The following GAS7 variants were observed in gnomAD, a reference collection of about 807,000 sequenced individuals.
GAS7 encodes growth arrest-specific protein 7.
In GAS7, 28 loss-of-function variants were observed where a neutral mutation model predicts 71.1. That is an observed-to-expected ratio of 0.39 (90% CI 0.29 to 0.54). The LOEUF is 0.54. Among genes scored for constraint, GAS7 ranks in the 20% least tolerant of loss-of-function variants. The pLI is 0.62. For synonymous variants in GAS7, 258 were observed against 245.8 expected, an observed-to-expected ratio of 1.05 and a Z score of -0.46; for missense variants, 436 against 627.8, an observed-to-expected ratio of 0.69 and a Z score of 3.27.
intron 1 of GAS7, among the ~76,000 whole-genome samples, chr17:10,127,201 T>C (rs551842136): frequency 3.3e-5 from 5 of 152,330 alleles, no homozygotes; most frequent in African/African-American, 1.2e-4. Flanking sequence ...TCCACGGCTC[T>C]GGACAGTGAG....
At chr17:9,976,426 G>A (rs886523037) in intron 3 of GAS7, among the ~76,000 whole-genome samples, 1 of 152,244 alleles carries the variant, frequency 6.6e-6, no homozygotes, top group Non-Finnish European at 1.5e-5. Context: ...AGAAGCGAGG[G>A]TCTTCCTTTG....
Position 10,034,516 on chromosome 17 carries a change from C to T in GAS7, c.184-14619G>A, listed in dbSNP as rs2072700492. ...TAGACACGGGGTTTCACCACGTTGA[C>T]CAGGCTGGCCTTGAACTCCTGACCT... On this transcript the variant is annotated intron_variant, in intron 1 of 13. Transcript: ENST00000432992. This position sits in a 1 kb window ranked among gnomAD's most constrained non-coding sequence, Gnocchi z 4.4. 6.6e-6 allele frequency among the ~76,000 whole-genome samples: 1 copy of T among 152,148 alleles called. No individual in the cohort carries two copies.
intron 3 of GAS7, among the ~76,000 whole-genome samples, chr17:9,973,549 G>A (rs2070060195): frequency 6.6e-6 from 1 of 152,126 alleles, no homozygotes; most frequent in South Asian, 2.1e-4. Flanking sequence ...CCACCGTGCT[G>A]TACTTATAGT....
intron 1 of GAS7, chr17:10,059,706 G>A: frequency 2.0e-6 from 2 of 985,372 alleles, no homozygotes; most frequent in Non-Finnish European, 2.4e-6. Context: ...GCCTTGTGGT[G>A]TGTCCTTATG....
Position 10,193,373 on chromosome 17 carries a change from C to G in GAS7, c.183+4835G>C, listed in dbSNP as rs1391215741. Among the ~76,000 whole-genome samples, 4 of 152,082 alleles carry G rather than the reference C, an allele frequency of 2.6e-5. No homozygotes were observed. In the East Asian group the frequency reaches 7.7e-4, roughly 29 times the overall value. ...CTCTCATCAGTCTGGCCCAGCACTA[C>G]CTCCTCACTAATGGATCATCTGTCC... On this transcript the variant is annotated intron_variant, in intron 1 of 13. Transcript: ENST00000432992.
chr17:9,951,429 G>A lies in GAS7; in HGVS notation c.526-4446C>T, dbSNP rs534793790. 3.9e-5 allele frequency among the ~76,000 whole-genome samples: 6 copies of A among 152,110 alleles called. No individual in the cohort carries two copies. The East Asian group carries it at 1.2e-3, about 29-fold the overall frequency. ...CCTCACTCAAACTGCTCTTGGCCTTGCCCTCTTGTCGGGGAAACACTTCCC... is the reference window on the plus strand; with the variant it reads ...CCTCACTCAAACTGCTCTTGGCCTTACCCTCTTGTCGGGGAAACACTTCCC... On this transcript the variant is annotated intron_variant, in intron 5 of 13. Coordinates refer to ENST00000432992, the MANE Select transcript of GAS7 (RefSeq NM_201433.2).
intron 2 of GAS7, among the ~76,000 whole-genome samples, chr17:9,982,819 A>G (rs994005949): frequency 1.1e-5 from 1 of 94,366 alleles, no homozygotes; most frequent in African/African-American, 5.4e-5. Context: ...AAGAAAGGAA[A>G]GAAAGGAAAG....
At chr17:9,991,794 G>T (rs1401662572) in intron 2 of GAS7, among the ~76,000 whole-genome samples, 3 of 152,060 alleles carry the variant, frequency 2.0e-5, no homozygotes, top group African/African-American at 7.2e-5. Flanking sequence ...GGAGAAATAT[G>T]TCTTGTCACC....
In GAS7 at chr17:10,170,076, T is replaced by G. The variant is rs72810923; in HGVS notation, c.183+28132A>C. ...ATCCAAAATCCAGTGGTGACAGCCATGTCACAGCCAGCATCAGCTCTTGCT... is the reference window on the plus strand; with the variant it reads ...ATCCAAAATCCAGTGGTGACAGCCAGGTCACAGCCAGCATCAGCTCTTGCT... On this transcript the variant is annotated intron_variant, in intron 1 of 13. Coordinates refer to ENST00000432992, the MANE Select transcript of GAS7 (RefSeq NM_201433.2). Among the ~76,000 whole-genome samples, 6 of 152,142 alleles carry G rather than the reference T, an allele frequency of 3.9e-5. No individual in the cohort carries two copies. The East Asian group carries it at 1.2e-3, about 29-fold the overall frequency.
chr17:10,173,445 G>A (rs748607924), intron 1 of GAS7, among the ~76,000 whole-genome samples: 2 of 152,142 alleles, frequency 1.3e-5, no homozygotes, highest in Admixed American at 6.6e-5. Context: ...CCCGAAATCA[G>A]GGACCCGAGG....
intron 1 of GAS7, among the ~76,000 whole-genome samples, chr17:10,092,755 C>T (rs1312121865): frequency 2.6e-5 from 4 of 152,324 alleles, no homozygotes; most frequent in African/African-American, 9.6e-5. Flanking sequence ...GAAAATTGTT[C>T]CTTGTCTCTT....
At chr17:10,175,252 T>A (rs940502978) in intron 1 of GAS7, among the ~76,000 whole-genome samples, 5 of 151,614 alleles carry the variant, frequency 3.3e-5, no homozygotes, top group African/African-American at 1.2e-4. Flanking sequence ...TGTCCCTAGG[T>A]CCCTATGTTT....
intron 11 of GAS7, among the ~76,000 whole-genome samples, chr17:9,921,011 G>A (rs992746234): frequency 1.3e-5 from 2 of 152,094 alleles, no homozygotes; most frequent in Admixed American, 6.6e-5. Flanking sequence ...CACACCAGAC[G>A]CGAGTGTGCC....
At chr17:10,181,903 T>G (rs1597839990) in intron 1 of GAS7, among the ~76,000 whole-genome samples, 1 of 152,070 alleles carries the variant, frequency 6.6e-6, no homozygotes. Context: ...CATTATAGGG[T>G]AATTATAACA....
intron 9 of GAS7, chr17:9,927,142 G>A (rs2068032315): frequency 5.4e-6 from 1 of 185,690 alleles, no homozygotes; most frequent in Non-Finnish European, 1.1e-5. Context: ...ATTGTGGAAT[G>A]GCTAAATCAA....
At chr17:10,073,716 G>A (rs989490536) in intron 1 of GAS7, among the ~76,000 whole-genome samples, 2 of 152,176 alleles carry the variant, frequency 1.3e-5, no homozygotes, top group African/African-American at 4.8e-5. Context: ...GTACTACTAG[G>A]TACTGATCAA....
intron 1 of GAS7, among the ~76,000 whole-genome samples, chr17:10,022,046 C>A (rs149642114): frequency 0.011 from 1,622 of 152,042 alleles, 31 homozygotes; most frequent in African/African-American, 0.037. Context: ...TGGCTTGAGC[C>A]CAGGAGTTTG....
At chr17:10,073,256 C>T (rs2073359474) in intron 1 of GAS7, among the ~76,000 whole-genome samples, 1 of 152,170 alleles carries the variant, frequency 6.6e-6, no homozygotes, top group Admixed American at 6.5e-5. Flanking sequence ...AATCACTATG[C>T]AGGTACCTCA....
intron 2 of GAS7, among the ~76,000 whole-genome samples, chr17:10,009,464 T>C (rs2071674001): frequency 6.6e-6 from 1 of 151,696 alleles, no homozygotes; most frequent in African/African-American, 2.4e-5. Context: ...GGCAAAGGAA[T>C]CCAAAAGCTC....
Sources: allele counts gnomAD v4.1 joint callset (sites outside exome capture counted in the v4.1 genomes callset), GRCh38; gene constraint gnomAD v4.1.1; non-coding constraint Gnocchi (gnomAD v3.1); transcripts MANE v1.5; gene names NCBI Gene and HGNC (gene_info 2026-07-23, HGNC 2026-07-21).